The following CRYBA1 variants were observed in gnomAD, a reference collection of about 807,000 sequenced individuals.
CRYBA1 encodes the protein beta-crystallin A3.
CRYBA1 carries 25 observed loss-of-function variants against 36.2 expected under a neutral mutation model. That is an observed-to-expected ratio of 0.69 (90% CI 0.50 to 0.97). The LOEUF (loss-of-function observed/expected upper bound fraction) is 0.97. Among genes scored for constraint, CRYBA1 ranks in the 50% least tolerant of loss-of-function variants. CRYBA1 has a pLI of 0.00. For missense variants in CRYBA1, 224 were observed against 276.3 expected (o/e 0.81, Z 1.34); for synonymous variants, 111 against 90.0 (o/e 1.23, Z -1.32).
intron 1 of CRYBA1, among the ~76,000 whole-genome samples, 163 bp downstream of exon 1, chr17:29,247,057 G>A (rs2068905266): frequency 6.6e-6 from 1 of 152,224 alleles, no homozygotes. Context: ...GTCACCCCAA[G>A]AGGAGTCACT....
intron 1 of CRYBA1, among the ~76,000 whole-genome samples, chr17:29,248,731 C>G (rs1028504079): frequency 2.0e-5 from 3 of 151,794 alleles, no homozygotes; most frequent in Non-Finnish European, 4.4e-5. Context: ...GAGGCTCAGG[C>G]TGGGCGCGGT....
chr17:29,247,976 C>A (rs1208312336), intron 1 of CRYBA1, among the ~76,000 whole-genome samples: 1 of 152,006 alleles, frequency 6.6e-6, no homozygotes, highest in Non-Finnish European at 1.5e-5. Context: ...ATTAGCCGGG[C>A]GTGGTGGCAC....
Position 29,250,217 on chromosome 17 carries a change from G to A in CRYBA1, c.132G>A (p.Lys44=). The A allele has an allele frequency of 6.2e-7, 1 of 1,611,624 alleles. No homozygotes were observed. Among genetic ancestry groups the A allele is most frequent in the East Asian group, 2.2e-5 (1 of 44,874 alleles). ...ATGATCAGGAGAACTTTCAGGGCAA[G>A]AGGATGGAGTTCACCAGCTCCTGTC... is the stretch of plus-strand genomic sequence containing the variant. The part of the protein sequence containing the change: ...TIYDQENFQG[K]RMEFTSSCPN... Residue 44 remains lysine, a synonymous_variant, in exon 3 of 6, where the codon AAG becomes AAA. Transcript: ENST00000225387.
intron 3 of CRYBA1, among the ~76,000 whole-genome samples, 181 bp downstream of exon 3, chr17:29,250,481 A>G (rs1051932573): frequency 1.3e-5 from 2 of 152,148 alleles, no homozygotes; most frequent in African/African-American, 4.8e-5. Context: ...AGGAAGGAAC[A>G]TGAGGTTCTT....
chr17:29,251,849 A>C (rs2068937259), intron 3 of CRYBA1, among the ~76,000 whole-genome samples: 2 of 152,194 alleles, frequency 1.3e-5, no homozygotes, highest in African/African-American at 4.8e-5. Context: ...AGACCTTTTC[A>C]GTGATAACCC....
chr17:29,250,414 C>A, intron 3 of CRYBA1, 114 bp downstream of exon 3: 1 of 773,102 alleles, frequency 1.3e-6, no homozygotes, highest in South Asian at 1.4e-5. Context: ...AGTCATTTCT[C>A]GGAGACAGGC....
In CRYBA1 at chr17:29,254,242, T is replaced by C; in HGVS notation, c.541T>C (p.Tyr181His). ...YQYPGYRGYQ[Y>H]ILECDHHGGD... The stretch of plus-strand genomic sequence containing the variant: ...ATATCCTGGATATCGTGGGTATCAG[T>C]ATATCTTGGAATGTGACCATCATGG... Residue 181 changes from tyrosine to histidine, a missense_variant, in exon 6 of 6, where the codon TAT becomes CAT. Tyr to His is a moderately conservative substitution (Grantham distance 83). Transcript: ENST00000225387. 6.2e-7 allele frequency: 1 copy of C among 1,614,202 alleles called. No individual in the cohort carries two copies. The highest frequency in any genetic ancestry group is 2.2e-5 in the East Asian group (1 of 44,880).
At chr17:29,250,888 CT>C (rs1295534967) in intron 3 of CRYBA1, among the ~76,000 whole-genome samples, 4 of 152,302 alleles carry the variant, frequency 2.6e-5, no homozygotes, top group African/African-American at 9.6e-5. Context: ...TAGTTGAGGC[CT>C]TTATCATTAG....
At chr17:29,250,096 A>G in intron 2 of CRYBA1, 86 bp from the exon 3 acceptor site, 2 of 816,560 alleles carry the variant, frequency 2.4e-6, no homozygotes, top group Middle Eastern at 2.2e-4. Context: ...CAGAAAGCAC[A>G]GAGTCAGACT....
intron 3 of CRYBA1, 140 bp from the exon 4 acceptor site, chr17:29,251,924 G>A: frequency 9.3e-7 from 1 of 1,077,684 alleles, no homozygotes; most frequent in East Asian, 2.4e-5. Flanking sequence ...CAACTCTTGT[G>A]ACAAATTACT....
At chr17:29,250,030 C>T in intron 2 of CRYBA1, 152 bp from the exon 3 acceptor site, 2 of 727,494 alleles carry the variant, frequency 2.7e-6, no homozygotes, top group Non-Finnish European at 5.1e-6. Context: ...AAACCCCTTC[C>T]TGCCCTGTCT....
At chr17:29,248,990 C>T in intron 1 of CRYBA1, 152 bp from the exon 2 acceptor site, 1 of 672,426 alleles carries the variant, frequency 1.5e-6, no homozygotes, top group South Asian at 1.6e-5. Context: ...ACAACAACAA[C>T]AAACCCCGAG....
chr17:29,249,037 A>G (rs1289022436), intron 1 of CRYBA1, 105 bp from the exon 2 acceptor site: 5 of 805,020 alleles, frequency 6.2e-6, no homozygotes, highest in East Asian at 2.5e-5. Context: ...AATTTCAACC[A>G]AAGTCTGTCT....
At chr17:29,247,322 A>C (rs1046763709) in intron 1 of CRYBA1, among the ~76,000 whole-genome samples, 1 of 151,960 alleles carries the variant, frequency 6.6e-6, no homozygotes, top group Non-Finnish European at 1.5e-5. Context: ...TTCCTCCCCC[A>C]CTTTTCCTTC....
rs761856522 is a variant in CRYBA1 at position 29,250,166 on chromosome 17, T to C, written c.97-16T>C. 1 of 1,389,996 alleles carries C rather than the reference T, an allele frequency of 7.2e-7. No individual in the cohort carries two copies. Among genetic ancestry groups the C allele is most frequent in the South Asian group, 1.2e-5 (1 of 86,678 alleles). 86.1% of individuals were successfully genotyped at this position (1,389,996 alleles called of 1,614,324 possible). ...CTGATGTTCTAGCTCTCTTGCGCCATTCAATCTCATTTCAGATAACCATCT... is the reference window on the plus strand; with the variant it reads ...CTGATGTTCTAGCTCTCTTGCGCCACTCAATCTCATTTCAGATAACCATCT... On this transcript the variant is annotated splice_polypyrimidine_tract_variant and intron_variant, in intron 2 of 5. Coordinates refer to ENST00000225387, the MANE Select transcript of CRYBA1 (RefSeq NM_005208.5).
rs772176248 is a variant in CRYBA1 at position 29,254,246 on chromosome 17, T to A, written c.545T>A (p.Ile182Asn). The change falls in exon 6 of 6, where the codon ATC becomes AAC. Residue 182 changes from isoleucine (I) to asparagine (N), a missense_variant. Coordinates refer to ENST00000225387, the MANE Select transcript of CRYBA1 (RefSeq NM_005208.5). ...QYPGYRGYQY[I>N]LECDHHGGDY... The stretch of plus-strand genomic sequence containing the variant: ...CCTGGATATCGTGGGTATCAGTATA[T>A]CTTGGAATGTGACCATCATGGAGGA... The A allele has an allele frequency of 1.1e-5, 17 of 1,614,072 alleles. No homozygotes were observed. Among genetic ancestry groups the A allele is most frequent in the Admixed American group, 5.0e-5 (3 of 60,006 alleles).
chr17:29,252,942 G>A (rs1371442391), intron 4 of CRYBA1, among the ~76,000 whole-genome samples: 1 of 152,182 alleles, frequency 6.6e-6, no homozygotes, highest in African/African-American at 2.4e-5. Context: ...TGCCTGTCTG[G>A]AAATTATTTC....
chr17:29,252,148 T>C lies in CRYBA1; in HGVS notation c.300T>C (p.Ser100=). 1 of 1,613,932 alleles carries C rather than the reference T, an allele frequency of 6.2e-7. No homozygotes were observed. The highest frequency in any genetic ancestry group is 8.5e-7 in the Non-Finnish European group (1 of 1,179,960). Residue 100 remains serine, a synonymous_variant, in exon 4 of 6, where the codon AGT becomes AGC. Coordinates refer to ENST00000225387, the MANE Select transcript of CRYBA1 (RefSeq NM_005208.5). ...AATACCCTCGCTGGGATGCCTGGAG[T>C]GGGAGTAATGCCTACCACATTGAGC... is the stretch of plus-strand genomic sequence containing the variant. ...RGEYPRWDAW[S]GSNAYHIERL...
At chr17:29,251,902 C>T (rs990923566) in intron 3 of CRYBA1, among the ~76,000 whole-genome samples, 162 bp from the exon 4 acceptor site, 2 of 152,214 alleles carry the variant, frequency 1.3e-5, no homozygotes, top group African/African-American at 4.8e-5. Context: ...GTATACCTGT[C>T]AACTCATTCC....
Sources: gnomAD v4.1 joint callset for allele counts (sites outside exome capture counted in the v4.1 genomes callset) on GRCh38, gnomAD v4.1.1 for gene constraint, MANE v1.5 for transcripts, NCBI Gene and HGNC (gene_info 2026-07-23, HGNC 2026-07-21) for gene names.